The following ZNF525 variants were observed in gnomAD, a reference collection of about 807,000 sequenced individuals.
ZNF525 encodes zinc finger protein 525.
In ZNF525, 33 loss-of-function variants were observed where a neutral mutation model predicts 37.6. That is an observed-to-expected ratio of 0.88 (90% CI 0.67 to 1.17). ZNF525 has a LOEUF of 1.17. Among genes scored for constraint, ZNF525 ranks in the 50% most tolerant of loss-of-function variants. The probability of loss-of-function intolerance (pLI) is 0.00; values close to 1 mark genes in which losing one functional copy is unlikely to be tolerated. For synonymous variants in ZNF525, 170 were observed against 182.3 expected, an observed-to-expected ratio of 0.93 and a Z score of 0.54; for missense variants, 449 against 543.1, an observed-to-expected ratio of 0.83 and a Z score of 1.72.
Position 53,383,712 on chromosome 19 carries a change from G to T in ZNF525, c.*1693G>T. On this transcript the variant is annotated 3_prime_UTR_variant, in exon 4 of 4. Transcript: ENST00000474037. ...ACAACCATTGTAAATCACTGGAGAA[G>T]CCATAATGAAGAGAGATCTTACAAA... The T allele has an allele frequency of 1.5e-6, 1 of 649,092 alleles. No individual in the cohort carries two copies. 40.2% of individuals were successfully genotyped at this position (649,092 alleles called of 1,614,324 possible).
At chr19:53,370,478 T>C (rs978969810) in intron 1 of ZNF525, among the ~76,000 whole-genome samples, 16 of 150,272 alleles carry the variant, frequency 1.1e-4, no homozygotes, top group African/African-American at 2.4e-4. Context: ...CAGGGTAACT[T>C]GGTGAAAATT....
chr19:53,384,865 G>A lies in ZNF525; in HGVS notation c.*2846G>A, dbSNP rs1166842288. On this transcript the variant is annotated 3_prime_UTR_variant, in exon 4 of 4. Coordinates refer to ENST00000474037, the MANE Select transcript of ZNF525 (RefSeq NM_001348156.2). ...GAGCATTCTTGCATCATGTGAGATC[G>A]TACAGGAAAGCATTCCATTTTCCCT... 4.4e-6 allele frequency: 3 copies of A among 680,380 alleles called. No homozygotes were observed. Among genetic ancestry groups the A allele is most frequent in the Non-Finnish European group, 5.3e-6 (2 of 374,550 alleles). The allele number at this position is 680,380 out of a possible 1,614,324, so 42.1% of individuals were successfully genotyped here.
intron 2 of ZNF525, among the ~76,000 whole-genome samples, chr19:53,374,398 G>A (rs1385921135): frequency 6.6e-6 from 1 of 152,144 alleles, no homozygotes; most frequent in Non-Finnish European, 1.5e-5. Flanking sequence ...ACAACATGTG[G>A]GTCCTTTGTG....
chr19:53,382,397 G>A lies in ZNF525; in HGVS notation c.*378G>A, dbSNP rs1004445876. ...GGAGAATTCATAATGGAGAGAAACC[G>A]TACAAGTGTAATGAGTGTGGCAAGA... On this transcript the variant is annotated 3_prime_UTR_variant, in exon 4 of 4. Coordinates refer to ENST00000474037, the MANE Select transcript of ZNF525 (RefSeq NM_001348156.2). 24 of 993,162 alleles carry A rather than the reference G, an allele frequency of 2.4e-5. No homozygotes were observed. Among genetic ancestry groups the A allele is most frequent in the African/African-American group, 1.1e-4 (7 of 62,698 alleles). The allele number at this position is 993,162 out of a possible 1,614,324, so 61.5% of individuals were successfully genotyped here.
intron 3 of ZNF525, among the ~76,000 whole-genome samples, chr19:53,377,556 C>CTTTTTT (rs1437577508): frequency 7.8e-6 from 1 of 128,246 alleles, no homozygotes; most frequent in Non-Finnish European, 1.7e-5. Flanking sequence ...TCTTTCATTT[C>CTTTTTT]TTTTTTTTTT....
chr19:53,367,175 A>G (rs1180519645), intron 1 of ZNF525, among the ~76,000 whole-genome samples: 2 of 152,226 alleles, frequency 1.3e-5, no homozygotes, highest in East Asian at 3.9e-4. Context: ...TGGGGGTGTC[A>G]GGAGCTCATT....
chr19:53,368,348 A>G (rs1476574427), intron 1 of ZNF525, among the ~76,000 whole-genome samples: 3 of 152,190 alleles, frequency 2.0e-5, no homozygotes, highest in Admixed American at 1.3e-4. Flanking sequence ...GTGTTTTATT[A>G]TAATATTGCT....
chr19:53,376,454 G>T (rs1473677698), intron 3 of ZNF525: 2 of 578,048 alleles, frequency 3.5e-6, no homozygotes, highest in Admixed American at 3.3e-5. Context: ...GATTTTTTTT[G>T]TTGTTATTTT....
chr19:53,374,214 C>T (rs541492052), intron 2 of ZNF525, among the ~76,000 whole-genome samples: 4 of 151,982 alleles, frequency 2.6e-5, no homozygotes, highest in Non-Finnish European at 4.4e-5. Flanking sequence ...TCCTCTCCTT[C>T]CTCCCACTCT....
chr19:53,384,694 GTC>G lies in ZNF525; in HGVS notation c.*2677_*2678del, dbSNP rs2147076974. 1 of 355,214 alleles carries G rather than the reference GTC, an allele frequency of 2.8e-6. No individual in the cohort carries two copies. Among genetic ancestry groups the G allele is most frequent in the East Asian group, 4.9e-5 (1 of 20,376 alleles). 22.0% of individuals were successfully genotyped at this position (355,214 alleles called of 1,614,324 possible). On this transcript the variant is annotated 3_prime_UTR_variant, in exon 4 of 4. Transcript: ENST00000474037. ...TTAGTTCCAGTACTATTTTGGTTGA[GTC>G]TGTGATTTTCTACACAGAAGGTCAT...
At chr19:53,367,036 G>T (rs182250495) in intron 1 of ZNF525, among the ~76,000 whole-genome samples, 2 of 152,246 alleles carry the variant, frequency 1.3e-5, no homozygotes, top group Non-Finnish European at 2.9e-5. Flanking sequence ...AATAGGTCAC[G>T]TAATCTATAG....
intron 1 of ZNF525, among the ~76,000 whole-genome samples, chr19:53,370,758 G>T (rs183117372): frequency 6.6e-6 from 1 of 152,176 alleles, no homozygotes; most frequent in African/African-American, 2.4e-5. Flanking sequence ...TATCTTCGGG[G>T]CCTTTCTCTG....
In ZNF525 at chr19:53,383,128, A is replaced by G. The variant is rs1456722094; in HGVS notation, c.*1109A>G. On this transcript the variant is annotated 3_prime_UTR_variant, in exon 4 of 4. Coordinates refer to ENST00000474037, the MANE Select transcript of ZNF525 (RefSeq NM_001348156.2). The stretch of plus-strand genomic sequence containing the variant: ...AAGCACACCTTGCACGTCATCATAG[A>G]ACTCATACTGGAGAGAAACATTACA... The G allele has an allele frequency of 1.5e-6, 2 of 1,327,140 alleles. No individual in the cohort carries two copies. Among genetic ancestry groups the G allele is most frequent in the African/African-American group, 2.9e-5 (2 of 68,738 alleles). The allele number at this position is 1,327,140 out of a possible 1,614,324, so 82.2% of individuals were successfully genotyped here.
chr19:53,366,006 C>G (rs2085440352), intron 1 of ZNF525, among the ~76,000 whole-genome samples: 1 of 152,108 alleles, frequency 6.6e-6, no homozygotes. Flanking sequence ...CGTAGTTTTC[C>G]TGCTCTAAAC....
chr19:53,381,866 TAGGAGA>T lies in ZNF525; in HGVS notation c.1289_1294del (p.Arg430_Arg431del). ...GTTTCAAATCAAGTCTTGAAAGACA[TAGGAGA>T]ATTCATAATGGAGAGAAACTGTACA... On this transcript the variant is annotated inframe_deletion, in exon 4 of 4. Coordinates refer to ENST00000474037, the MANE Select transcript of ZNF525 (RefSeq NM_001348156.2). The T allele has an allele frequency of 9.8e-7, 1 of 1,021,352 alleles. No individual in the cohort carries two copies. The highest frequency in any genetic ancestry group is 1.6e-6 in the Non-Finnish European group (1 of 638,322). The allele number at this position is 1,021,352 out of a possible 1,614,324, so 63.3% of individuals were successfully genotyped here.
intron 1 of ZNF525, among the ~76,000 whole-genome samples, chr19:53,370,842 T>C (rs1391681107): frequency 1.3e-5 from 2 of 152,188 alleles, no homozygotes; most frequent in African/African-American, 4.8e-5. Context: ...CGGCTTCCCG[T>C]GTTCCCCAGG....
intron 1 of ZNF525, among the ~76,000 whole-genome samples, chr19:53,367,442 G>T (rs1275805040): frequency 6.6e-6 from 1 of 152,096 alleles, no homozygotes; most frequent in African/African-American, 2.4e-5. Context: ...GGCACAGGCT[G>T]ATATTTATAC....
chr19:53,369,715 C>CTTTTTTTTTTTTTTT (rs57431960), intron 1 of ZNF525, among the ~76,000 whole-genome samples: 1 of 81,202 alleles, frequency 1.2e-5, no homozygotes, highest in African/African-American at 6.4e-5. Context: ...AAAGAAGTTT[C>CTTTTTTTTTTTTTTT]TTTTTTTTTT....
chr19:53,379,490 T>G (rs111623560), intron 3 of ZNF525: 6 of 152,210 alleles, frequency 3.9e-5, no homozygotes, highest in African/African-American at 1.4e-4. Context: ...GATCTTAACA[T>G]GTATTTCAGT....
Sources: gnomAD v4.1 joint callset for allele counts (sites outside exome capture counted in the v4.1 genomes callset) on GRCh38, gnomAD v4.1.1 for gene constraint, MANE v1.5 for transcripts, NCBI Gene and HGNC (gene_info 2026-07-23, HGNC 2026-07-21) for gene names.